DNM2: variants seen among roughly 807,000 people sequenced by gnomAD.
DNM2 encodes the protein dynamin-2.
A neutral mutation model predicts 99.0 loss-of-function variants in DNM2; 15 were observed. That is an observed-to-expected ratio of 0.15 (90% CI 0.10 to 0.23). The LOEUF (loss-of-function observed/expected upper bound fraction) is 0.23. Among genes scored for constraint, DNM2 ranks in the 10% least tolerant of loss-of-function variants. The pLI is 1.00. For synonymous variants in DNM2, 525 were observed against 481.2 expected, an observed-to-expected ratio of 1.09 and a Z score of -1.19; for missense variants, 742 against 1,189.4, an observed-to-expected ratio of 0.62 and a Z score of 5.53.
At chr19:10,825,373 A>G in intron 18 of DNM2, 152 bp downstream of exon 18, 1 of 1,126,910 alleles carries the variant, frequency 8.9e-7, no homozygotes, top group Non-Finnish European at 1.3e-6. Context: ...CATCTCTACT[A>G]AAAATACAAA....
At chr19:10,753,052 A>G (rs1327357233) in intron 1 of DNM2, among the ~76,000 whole-genome samples, 3 of 152,190 alleles carry the variant, frequency 2.0e-5, no homozygotes. Context: ...TGAGCCCTAC[A>G]GTTGGAGGTT....
intron 1 of DNM2, among the ~76,000 whole-genome samples, chr19:10,755,823 C>A (rs1265250022): frequency 6.6e-6 from 1 of 151,992 alleles, no homozygotes; most frequent in Non-Finnish European, 1.5e-5. Flanking sequence ...GCCCCCACAC[C>A]CGGTTAATTT....
intron 17 of DNM2, 134 bp from the exon 18 acceptor site, chr19:10,824,923 T>C: frequency 3.5e-6 from 5 of 1,427,236 alleles, no homozygotes; most frequent in Non-Finnish European, 4.9e-6. Flanking sequence ...AGCAGGCCTA[T>C]CTGGTGCCAG....
rs2073346103 is a variant in DNM2 at position 10,831,449 on chromosome 19, C to T, written c.*402C>T. 3.0e-6 allele frequency: 3 copies of T among 1,006,376 alleles called. No individual in the cohort carries two copies. In the Admixed American group the frequency reaches 1.8e-4, roughly 60 times the overall value. The allele number at this position is 1,006,376 out of a possible 1,614,324, so 62.3% of individuals were successfully genotyped here. Reference sequence around the variant, plus strand: ...ACCAAGGGCGCCTACATCCCCAGGCCTTGCTGGGGTGCAGGGGTATATCAA... The same window carrying T: ...ACCAAGGGCGCCTACATCCCCAGGCTTTGCTGGGGTGCAGGGGTATATCAA... On this transcript the variant is annotated 3_prime_UTR_variant, in exon 21 of 21. Coordinates refer to ENST00000389253, the MANE Select transcript of DNM2 (RefSeq NM_001005361.3). The surrounding 1 kb of genome is among the most constrained non-coding windows in gnomAD (Gnocchi z 4.3).
intron 1 of DNM2, among the ~76,000 whole-genome samples, chr19:10,749,984 G>A (rs1006638723): frequency 2.0e-5 from 3 of 152,218 alleles, no homozygotes; most frequent in Non-Finnish European, 2.9e-5. Context: ...GCAGGTGCAG[G>A]GGGTGGGGCT....
chr19:10,720,704 T>G lies in DNM2; in HGVS notation c.161+2301T>G, dbSNP rs140004149. ...GTGATTGCACCATTACCCTCCAGCCTGGGTGACAGAACCAGATCCGGTTTC... is the reference window on the plus strand; with the variant it reads ...GTGATTGCACCATTACCCTCCAGCCGGGGTGACAGAACCAGATCCGGTTTC... On this transcript the variant is annotated intron_variant, in intron 1 of 20. Coordinates refer to ENST00000389253, the MANE Select transcript of DNM2 (RefSeq NM_001005361.3). Among the ~76,000 whole-genome samples the G allele has an allele frequency of 4.7e-3, 721 of 152,194 alleles. 4 individuals are homozygous for G. Among genetic ancestry groups the G allele is most frequent in the African/African-American group, 0.016 (671 of 41,532 alleles).
intron 5 of DNM2, among the ~76,000 whole-genome samples, chr19:10,778,937 C>T (rs1171324902): frequency 2.0e-5 from 3 of 151,902 alleles, no homozygotes; most frequent in East Asian, 1.9e-4. Context: ...TATTTTGGGT[C>T]GGGCATGGTG....
intron 1 of DNM2, 199 bp from the exon 2 acceptor site, chr19:10,759,539 C>G: frequency 1.5e-6 from 1 of 663,934 alleles, no homozygotes; most frequent in Non-Finnish European, 2.7e-6. Flanking sequence ...TCACTATGAC[C>G]TTCCATGCAT....
chr19:10,784,385 G>A (rs1424033768), intron 6 of DNM2, among the ~76,000 whole-genome samples: 1 of 152,142 alleles, frequency 6.6e-6, no homozygotes, highest in Non-Finnish European at 1.5e-5. Context: ...AGAGGGAGGG[G>A]CCCTCCAGGA....
At chr19:10,734,112 T>C (rs993629889) in intron 1 of DNM2, among the ~76,000 whole-genome samples, 1 of 151,946 alleles carries the variant, frequency 6.6e-6, no homozygotes, top group Admixed American at 6.6e-5. Context: ...CTCAGCACTT[T>C]GGGAGGCCAA....
chr19:10,771,185 A>C (rs145394297), intron 2 of DNM2, among the ~76,000 whole-genome samples: 8 of 152,260 alleles, frequency 5.3e-5, no homozygotes, highest in African/African-American at 1.9e-4. Context: ...AAATTCGAAC[A>C]TCTGGAAACG....
At chr19:10,730,046 T>C (rs1039806448) in intron 1 of DNM2, among the ~76,000 whole-genome samples, 1 of 152,114 alleles carries the variant, frequency 6.6e-6, no homozygotes, top group Non-Finnish European at 1.5e-5. Context: ...TAATCTTTTG[T>C]ACAGATGGGG....
intron 15 of DNM2, among the ~76,000 whole-genome samples, chr19:10,814,707 G>A (rs546733736): frequency 5.9e-5 from 9 of 151,836 alleles, no homozygotes; most frequent in Non-Finnish European, 1.2e-4. Flanking sequence ...CCACGTATGA[G>A]TGACAACATG....
At chr19:10,728,960 C>T (rs1482949063) in intron 1 of DNM2, among the ~76,000 whole-genome samples, 1 of 147,424 alleles carries the variant, frequency 6.8e-6, no homozygotes, top group East Asian at 2.0e-4. Context: ...AAAAAAAAGG[C>T]TGTATGCGGT....
chr19:10,825,235 T>C lies in DNM2; in HGVS notation c.2058+14T>C. ...ATGATCAACAATGTGAGTGGAGAAC[T>C]AAAAATGAGAAGGAGGTAGCTGGGT... On this transcript the variant is annotated intron_variant, in intron 18 of 20. Coordinates refer to ENST00000389253, the MANE Select transcript of DNM2 (RefSeq NM_001005361.3). The C allele has an allele frequency of 6.2e-7, 1 of 1,613,604 alleles. No homozygotes were observed. The highest frequency in any genetic ancestry group is 8.5e-7 in the Non-Finnish European group (1 of 1,179,730).
At chr19:10,780,846 C>T (rs1038003072) in intron 5 of DNM2, among the ~76,000 whole-genome samples, 1 of 151,828 alleles carries the variant, frequency 6.6e-6, no homozygotes, top group African/African-American at 2.4e-5. Flanking sequence ...GTGGATCAAA[C>T]CCCAGCTCTA....
At chr19:10,734,563 C>T (rs1198751510) in intron 1 of DNM2, among the ~76,000 whole-genome samples, 28 of 146,218 alleles carry the variant, frequency 1.9e-4, no homozygotes, top group Non-Finnish European at 4.0e-4. Flanking sequence ...CACTTGAGCC[C>T]TGGAGGTTGA....
In DNM2 at chr19:10,831,252, G is replaced by C; in HGVS notation, c.*205G>C. The C allele has an allele frequency of 7.5e-7, 1 of 1,328,188 alleles. No homozygotes were observed. The highest frequency in any genetic ancestry group is 9.6e-7 in the Non-Finnish European group (1 of 1,043,294). 82.3% of individuals were successfully genotyped at this position (1,328,188 alleles called of 1,614,324 possible). A position where few individuals can be genotyped will look rare whatever the true frequency, so the allele number is the denominator to read the frequency against. ...TGCGCAAAGGGGCCCTGGAGCTCCAGGCAGGGGGCGCTGGGGTGTTGCACT... is the reference window on the plus strand; with the variant it reads ...TGCGCAAAGGGGCCCTGGAGCTCCACGCAGGGGGCGCTGGGGTGTTGCACT... On this transcript the variant is annotated 3_prime_UTR_variant, in exon 21 of 21. Coordinates refer to ENST00000389253, the MANE Select transcript of DNM2 (RefSeq NM_001005361.3). This position sits in a 1 kb window ranked among gnomAD's most constrained non-coding sequence, Gnocchi z 4.3.
rs1274739327 is a variant in DNM2, at chr19:10,816,036, C to T, written c.1671+3659C>T. Among the ~76,000 whole-genome samples, 2 of 152,158 alleles carry T rather than the reference C, an allele frequency of 1.3e-5. No homozygotes were observed. The highest frequency in any genetic ancestry group is 2.9e-5 in the Non-Finnish European group (2 of 68,008). ...ACCCTACTCCCCGTGAGGAAACCCTCACGCTTGCTATTCGGGTGGCTCTGT... is the reference window on the plus strand; with the variant it reads ...ACCCTACTCCCCGTGAGGAAACCCTTACGCTTGCTATTCGGGTGGCTCTGT... On this transcript the variant is annotated intron_variant, in intron 15 of 20. Transcript: ENST00000389253. This position sits in a 1 kb window ranked among gnomAD's most constrained non-coding sequence, Gnocchi z 4.6.
Sources: allele counts gnomAD v4.1 joint callset (sites outside exome capture counted in the v4.1 genomes callset), GRCh38; gene constraint gnomAD v4.1.1; non-coding constraint Gnocchi (gnomAD v3.1); transcripts MANE v1.5; gene names NCBI Gene and HGNC (gene_info 2026-07-23, HGNC 2026-07-21).